The following RIPOR1 variants were observed in gnomAD, a reference collection of about 807,000 sequenced individuals.
RIPOR1 encodes rho family-interacting cell polarization regulator 1.
In RIPOR1, 58 loss-of-function variants were observed where a neutral mutation model predicts 116.5. That is an observed-to-expected ratio of 0.50 (90% CI 0.40 to 0.62). The LOEUF is 0.62. Ranked by LOEUF, RIPOR1 falls within the 20% of genes least tolerant of loss-of-function variation. The probability of loss-of-function intolerance (pLI) is 0.00; values close to 1 mark genes in which losing one functional copy is unlikely to be tolerated. For missense variants in RIPOR1, 1,372 were observed against 1,586.2 expected (o/e 0.86, Z 2.29); for synonymous variants, 605 against 650.0 (o/e 0.93, Z 1.05).
At position 67,541,861 on chromosome 16, in the gene RIPOR1, T is replaced by C. The variant is rs371920030; in HGVS notation, c.1081-6T>C. 34 of 1,610,610 alleles carry C rather than the reference T, an allele frequency of 2.1e-5. No individual in the cohort carries two copies. Among genetic ancestry groups the C allele is most frequent in the Non-Finnish European group, 2.9e-5 (34 of 1,177,452 alleles). On this transcript the variant is annotated splice_polypyrimidine_tract_variant and splice_region_variant and intron_variant, in intron 12 of 21. Transcript: ENST00000042381. The surrounding 1 kb of genome is among the most constrained non-coding windows in gnomAD (Gnocchi z 4.6). ...TGGTTCTGAAATGCCCTCTCCTCTTTCTCAGAACATGCTGCGACGGCAGGA... is the reference window on the plus strand; with the variant it reads ...TGGTTCTGAAATGCCCTCTCCTCTTCCTCAGAACATGCTGCGACGGCAGGA...
At position 67,542,036 on chromosome 16, in the gene RIPOR1, G is replaced by C; in HGVS notation, c.1250G>C (p.Arg417Pro). The change falls in exon 13 of 22, where the codon CGC becomes CCC. Residue 417 changes from arginine to proline, a missense_variant. Arg to Pro is a moderately radical substitution (Grantham distance 103). Coordinates refer to ENST00000042381, the MANE Select transcript of RIPOR1 (RefSeq NM_024519.4). This position sits in a 1 kb window ranked among gnomAD's most constrained non-coding sequence, Gnocchi z 4.6. ...PEPLPIQVAF[R>P]RPETPSSGPL... Reference sequence around the variant, plus strand: ...CCCCTTCCCATCCAAGTTGCCTTCCGCAGGCCTGAGACCCCCAGCTCTGGG... The same window carrying C: ...CCCCTTCCCATCCAAGTTGCCTTCCCCAGGCCTGAGACCCCCAGCTCTGGG... 1 of 1,607,526 alleles carries C rather than the reference G, an allele frequency of 6.2e-7. No homozygotes were observed. Among genetic ancestry groups the C allele is most frequent in the Non-Finnish European group, 8.5e-7 (1 of 1,175,624 alleles).
In RIPOR1 at chr16:67,543,149, G is replaced by A. The variant is rs781488441; in HGVS notation, c.2363G>A (p.Arg788Lys). ...ACGGCAGCCGGAGGGTCTGGGGACA[G>A]GAGCCTGGAGGAGGCACTGGGGGCC... ...VPTAAGGSGD[R>K]SLEEALGALM... Residue 788 changes from arginine to lysine, a missense_variant, in exon 13 of 22, where the codon AGG becomes AAG. Arg to Lys is a conservative substitution (Grantham distance 26). Coordinates refer to ENST00000042381, the MANE Select transcript of RIPOR1 (RefSeq NM_024519.4). The surrounding 1 kb of genome is among the most constrained non-coding windows in gnomAD (Gnocchi z 4.7). 6.5e-7 allele frequency: 1 copy of A among 1,532,180 alleles called. No individual in the cohort carries two copies. Among genetic ancestry groups the A allele is most frequent in the Non-Finnish European group, 8.8e-7 (1 of 1,141,228 alleles). The allele number at this position is 1,532,180 out of a possible 1,614,324, so 94.9% of individuals were successfully genotyped here. A position where few individuals can be genotyped will look rare whatever the true frequency, so the allele number is the denominator to read the frequency against.
rs760394583 is a variant in RIPOR1, at chr16:67,538,476, C to T, written c.30C>T (p.Arg10=). The change falls in exon 2 of 22, where the codon CGC becomes CGT. Residue 10 remains arginine, a synonymous_variant. Transcript: ENST00000042381. MMSLSVRPQ[R]RLLSARVNRS... is the part of the protein sequence containing the mutation. The stretch of plus-strand genomic sequence containing the variant: ...TGTCCCTGTCGGTGCGGCCGCAGCG[C>T]CGTCTGCTCAGCGCCCGGGTCAATA... 26 of 1,610,460 alleles carry T rather than the reference C, an allele frequency of 1.6e-5. No homozygotes were observed. In the East Asian group the frequency reaches 4.7e-4, roughly 29 times the overall value.
rs1396540293 is a variant in RIPOR1 at position 67,543,044 on chromosome 16, G to A, written c.2258G>A (p.Ser753Asn). ...TCAGAGTCTACGGTTCAGAGTCTAA[G>A]CCCCACTCCCTCACCCCCAACCCCT... is the stretch of plus-strand genomic sequence containing the variant. ...DPSESTVQSL[S>N]PTPSPPTPAP... Residue 753 changes from serine (S) to asparagine (N), a missense_variant, in exon 13 of 22, where the codon AGC becomes AAC. By Grantham distance (46) the Ser-to-Asn change is conservative. This residue lies in a region of RIPOR1 where 1,005 missense variants were observed against 1,144.7 expected (regional missense o/e 0.88). Transcript: ENST00000042381. This position sits in a 1 kb window ranked among gnomAD's most constrained non-coding sequence, Gnocchi z 4.7. 6.5e-7 allele frequency: 1 copy of A among 1,529,740 alleles called. No individual in the cohort carries two copies. The highest frequency in any genetic ancestry group is 2.2e-5 in the Admixed American group (1 of 45,908). The allele number at this position is 1,529,740 out of a possible 1,614,324, so 94.8% of individuals were successfully genotyped here.
chr16:67,537,667 CA>C lies in RIPOR1; in HGVS notation c.-23-756del. 1 of 1,115,720 alleles carries C rather than the reference CA, an allele frequency of 9.0e-7. No individual in the cohort carries two copies. Among genetic ancestry groups the C allele is most frequent in the Non-Finnish European group, 1.2e-6 (1 of 852,330 alleles). The allele number at this position is 1,115,720 out of a possible 1,614,324, so 69.1% of individuals were successfully genotyped here. On this transcript the variant is annotated intron_variant, in intron 1 of 21. Coordinates refer to ENST00000042381, the MANE Select transcript of RIPOR1 (RefSeq NM_024519.4). This position sits in a 1 kb window ranked among gnomAD's most constrained non-coding sequence, Gnocchi z 4.6. ...GGGGAAGCAGGCCGGGTTTGGGGGC[CA>C]GGAGTGTGTGTTTCGCCGAAGCGGG... is the stretch of plus-strand genomic sequence containing the variant.
In RIPOR1 at chr16:67,541,315, C is replaced by A; in HGVS notation, c.802-115C>A. The A allele has an allele frequency of 8.5e-7, 1 of 1,170,680 alleles. No homozygotes were observed. The highest frequency in any genetic ancestry group is 1.2e-6 in the Non-Finnish European group (1 of 824,984). The allele number at this position is 1,170,680 out of a possible 1,614,324, so 72.5% of individuals were successfully genotyped here. On this transcript the variant is annotated intron_variant, in intron 10 of 21. Transcript: ENST00000042381. This position sits in a 1 kb window ranked among gnomAD's most constrained non-coding sequence, Gnocchi z 4.6. ...GAACTCCTGGCCTTAAGTGATCCTCCTGCCTCAGCCTCCCATGACCATTTT... is the reference window on the plus strand; with the variant it reads ...GAACTCCTGGCCTTAAGTGATCCTCATGCCTCAGCCTCCCATGACCATTTT...
chr16:67,538,424 G>C lies in RIPOR1; in HGVS notation c.-23G>C. 1 of 1,577,458 alleles carries C rather than the reference G, an allele frequency of 6.3e-7. No individual in the cohort carries two copies. The highest frequency in any genetic ancestry group is 8.6e-7 in the Non-Finnish European group (1 of 1,161,698). ...TGGACACCCCCCCGATCACCCGCAG[G>C]GAGCCCCGCGCGGACTCACTCTATG... On this transcript the variant is annotated splice_region_variant and 5_prime_UTR_variant, in exon 2 of 22. It removes an upstream start codon present in the reference 5' UTR. Coordinates refer to ENST00000042381, the MANE Select transcript of RIPOR1 (RefSeq NM_024519.4).
rs1446813451 is a variant in RIPOR1 at position 67,546,431 on chromosome 16, G to A, written c.3628G>A (p.Gly1210Arg). 1 of 1,613,952 alleles carries A rather than the reference G, an allele frequency of 6.2e-7. No homozygotes were observed. The highest frequency in any genetic ancestry group is 1.3e-5 in the African/African-American group (1 of 74,916). ...CCTGGACGCCCTGCCCCGCATCTTTGGGCCTGGCAGCATGGCCAGCACAGC... is the reference window on the plus strand; with the variant it reads ...CCTGGACGCCCTGCCCCGCATCTTTAGGCCTGGCAGCATGGCCAGCACAGC... The part of the protein sequence containing the change: ...ESLDALPRIF[G>R]PGSMASTAF The change falls in exon 22 of 22, where the codon GGG becomes AGG. Residue 1210 changes from glycine to arginine, a missense_variant. Gly to Arg is a moderately radical substitution (Grantham distance 125). Transcript: ENST00000042381.
rs151022288 is a variant in RIPOR1 at position 67,546,393 on chromosome 16, G to A, written c.3590G>A (p.Arg1197Gln). Residue 1197 changes from arginine to glutamine, a missense_variant, in exon 22 of 22, where the codon CGG (arginine) becomes CAG (glutamine). This residue lies in a region of RIPOR1 where 1,005 missense variants were observed against 1,144.7 expected (regional missense o/e 0.88). Coordinates refer to ENST00000042381, the MANE Select transcript of RIPOR1 (RefSeq NM_024519.4). ...CGEEGQSAHRRLEESLDALPR... is the reference protein window; with the variant it reads ...CGEEGQSAHRQLEESLDALPR... ...GAAGAGGGACAGTCTGCCCATCGAC[G>A]GCTGGAGGAGTCCCTGGACGCCCTG... 2,167 of 1,614,026 alleles carry A rather than the reference G, an allele frequency of 1.3e-3. 31 individuals carry two copies. In the African/African-American group the frequency reaches 0.026, roughly 19 times the overall value.
chr16:67,541,854 T>C lies in RIPOR1; in HGVS notation c.1081-13T>C. On this transcript the variant is annotated splice_polypyrimidine_tract_variant and intron_variant, in intron 12 of 21. Coordinates refer to ENST00000042381, the MANE Select transcript of RIPOR1 (RefSeq NM_024519.4). This position sits in a 1 kb window ranked among gnomAD's most constrained non-coding sequence, Gnocchi z 4.6. Reference sequence around the variant, plus strand: ...CTGGGGGTGGTTCTGAAATGCCCTCTCCTCTTTCTCAGAACATGCTGCGAC... The same window carrying C: ...CTGGGGGTGGTTCTGAAATGCCCTCCCCTCTTTCTCAGAACATGCTGCGAC... 1 of 1,611,104 alleles carries C rather than the reference T, an allele frequency of 6.2e-7. No individual in the cohort carries two copies. The highest frequency in any genetic ancestry group is 8.5e-7 in the Non-Finnish European group (1 of 1,177,754).
At chr16:67,546,270 G>A in intron 21 of RIPOR1, 39 bp downstream of exon 21, 2 of 1,611,334 alleles carry the variant, frequency 1.2e-6, no homozygotes, top group Non-Finnish European at 1.7e-6. Context: ...GGAGTTCTGG[G>A]ACATCTTGGC....
chr16:67,524,072 A>T (rs546158872), upstream of RIPOR1, among the ~76,000 whole-genome samples: 1 of 152,334 alleles, frequency 6.6e-6, no homozygotes, highest in African/African-American at 2.4e-5. Flanking sequence ...AACAAAAAAA[A>T]ATAGTGTCTC....
rs1390983990 is a variant in RIPOR1, at chr16:67,541,817, C to G, written c.1080+35C>G. On this transcript the variant is annotated intron_variant, in intron 12 of 21. Coordinates refer to ENST00000042381, the MANE Select transcript of RIPOR1 (RefSeq NM_024519.4). This position sits in a 1 kb window ranked among gnomAD's most constrained non-coding sequence, Gnocchi z 4.6. ...AGCCCAGGTCCAGGCCTCACCATCC[C>G]CCAGAGGCTCCCTGGGGGTGGTTCT... 6.2e-7 allele frequency: 1 copy of G among 1,613,906 alleles called. No homozygotes were observed. The highest frequency in any genetic ancestry group is 8.5e-7 in the Non-Finnish European group (1 of 1,179,870).
In RIPOR1 at chr16:67,543,689, C is replaced by T. The variant is rs1217927329; in HGVS notation, c.2600+220C>T. On this transcript the variant is annotated intron_variant, in intron 14 of 21. Coordinates refer to ENST00000042381, the MANE Select transcript of RIPOR1 (RefSeq NM_024519.4). This position sits in a 1 kb window ranked among gnomAD's most constrained non-coding sequence, Gnocchi z 4.7. ...ATGTCTCCAACCCTACGTGTGTCCC[C>T]AGTGCTTCTGACCGCCCTCTTCATC... 6.3e-6 allele frequency: 4 copies of T among 633,804 alleles called. No individual in the cohort carries two copies. The highest frequency in any genetic ancestry group is 1.1e-5 in the Non-Finnish European group (4 of 366,104). 39.3% of individuals were successfully genotyped at this position (633,804 alleles called of 1,614,324 possible).
rs368350376 is a variant in RIPOR1, at chr16:67,538,953, G to A, written c.258-37G>A. The A allele has an allele frequency of 3.1e-6, 5 of 1,612,928 alleles. No homozygotes were observed. In the African/African-American group the frequency reaches 4.0e-5, roughly 13 times the overall value. ...GCACCCTGGGCAGCATGAGGCTGGA[G>A]AGCCGAGTTCATTCTTGTGGTCGCC... On this transcript the variant is annotated intron_variant, in intron 3 of 21. Transcript: ENST00000042381.
In RIPOR1 at chr16:67,545,638, C is replaced by G. The variant is rs2051139036; in HGVS notation, c.3191-26C>G. The G allele has an allele frequency of 6.4e-7, 1 of 1,570,158 alleles. No homozygotes were observed. The highest frequency in any genetic ancestry group is 8.7e-7 in the Non-Finnish European group (1 of 1,155,958). On this transcript the variant is annotated intron_variant, in intron 18 of 21. Transcript: ENST00000042381. The surrounding 1 kb of genome is among the most constrained non-coding windows in gnomAD (Gnocchi z 4.8). ...CTCCTCACCCTGCCACCTTGCCCAC[C>G]CACCCACCATATCCCCTTTTTTCAG...
chr16:67,522,692 C>G (rs575003755), intron 1 of RIPOR1, among the ~76,000 whole-genome samples: 28 of 152,106 alleles, frequency 1.8e-4, no homozygotes, highest in African/African-American at 6.5e-4. Context: ...ACCCTCACTC[C>G]CTACCCCGCC....
At chr16:67,527,847 C>A (rs899814164), upstream of RIPOR1, among the ~76,000 whole-genome samples, 1 of 141,576 alleles carries the variant, frequency 7.1e-6, no homozygotes, top group Non-Finnish European at 1.5e-5. Flanking sequence ...CAGTGACACT[C>A]TGTCTCAAAA....
rs375601940 is a variant in RIPOR1 at position 67,543,316 on chromosome 16, G to A, written c.2479-32G>A. 1.6e-5 allele frequency: 25 copies of A among 1,606,928 alleles called. No individual in the cohort carries two copies. The highest frequency in any genetic ancestry group is 1.6e-4 in the Middle Eastern group (1 of 6,066). ...CAACCAGGGAGGGCAGCCAGGGGGC[G>A]GCAGCCGCTCTGATGCCCTTCACAA... On this transcript the variant is annotated intron_variant, in intron 13 of 21. Coordinates refer to ENST00000042381, the MANE Select transcript of RIPOR1 (RefSeq NM_024519.4). This position sits in a 1 kb window ranked among gnomAD's most constrained non-coding sequence, Gnocchi z 4.7.
Sources: allele counts gnomAD v4.1 joint callset (sites outside exome capture counted in the v4.1 genomes callset), GRCh38; gene constraint gnomAD v4.1.1; regional missense constraint gnomAD v4.1.1; non-coding constraint Gnocchi (gnomAD v3.1); transcripts MANE v1.5; gene names NCBI Gene and HGNC (gene_info 2026-07-23, HGNC 2026-07-21).